VPS53: variants seen among roughly 807,000 people sequenced by gnomAD.
VPS53 encodes the protein vacuolar protein sorting-associated protein 53 homolog.
A neutral mutation model predicts 107.0 loss-of-function variants in VPS53; 70 were observed. The ratio of observed to expected loss-of-function variants is 0.65; its 90% CI spans 0.54 to 0.80. The LOEUF is 0.80. Among genes scored for constraint, VPS53 ranks in the 30% least tolerant of loss-of-function variants. VPS53 has a pLI of 0.00. For synonymous variants in VPS53, 409 were observed against 393.3 expected (o/e 1.04, Z -0.47); for missense variants, 917 against 1,049.4 (o/e 0.87, Z 1.74).
intron 6 of VPS53, 67 bp downstream of exon 6, chr17:655,771 G>A (rs1040411429): frequency 1.5e-5 from 22 of 1,424,252 alleles, no homozygotes; most frequent in Middle Eastern, 1.8e-4. Flanking sequence ...GTAAATAGGC[G>A]ACAACACCAT....
At chr17:542,975 C>CAAAA (rs57176595) in intron 17 of VPS53, among the ~76,000 whole-genome samples, 2 of 89,968 alleles carry the variant, frequency 2.2e-5, no homozygotes, top group Non-Finnish European at 5.5e-5. Context: ...GAGACTCTGT[C>CAAAA]AAAAAAAAAA....
At chr17:644,189 T>G (rs958333220) in intron 7 of VPS53, among the ~76,000 whole-genome samples, 1 of 152,234 alleles carries the variant, frequency 6.6e-6, no homozygotes, top group Non-Finnish European at 1.5e-5. Context: ...ATGGAAGCAT[T>G]TGCCAGAAGG....
intron 17 of VPS53, among the ~76,000 whole-genome samples, chr17:551,215 C>T (rs531780195): frequency 6.6e-6 from 1 of 152,092 alleles, no homozygotes; most frequent in South Asian, 2.1e-4. Context: ...GGCATAGGCA[C>T]ATAAAAGCCA....
At chr17:623,868 AT>A (rs1380582833) in intron 10 of VPS53, among the ~76,000 whole-genome samples, 194 bp from the exon 11 acceptor site, 1 of 152,166 alleles carries the variant, frequency 6.6e-6, no homozygotes, top group African/African-American at 2.4e-5. Context: ...TTAAGGTGAA[AT>A]TATCCACCAG....
intron 4 of VPS53, among the ~76,000 whole-genome samples, chr17:695,197 T>A (rs1297304656): frequency 6.6e-6 from 1 of 152,110 alleles, no homozygotes; most frequent in Non-Finnish European, 1.5e-5. Context: ...AGAAAGGACA[T>A]CGAGGGACAC....
chr17:573,743 G>C (rs542149515), intron 13 of VPS53, among the ~76,000 whole-genome samples: 1 of 152,168 alleles, frequency 6.6e-6, no homozygotes, highest in Non-Finnish European at 1.5e-5. Context: ...CCTAGCAAGC[G>C]CGAAGCCTCA....
intron 5 of VPS53, chr17:656,918 G>A: frequency 7.1e-7 from 1 of 1,401,352 alleles, no homozygotes; most frequent in Non-Finnish European, 1.0e-6. Context: ...GAAAATGTTG[G>A]AAACTTGAGT....
intron 19 of VPS53, among the ~76,000 whole-genome samples, chr17:530,764 A>T (rs1282352179): frequency 2.0e-5 from 3 of 152,196 alleles, no homozygotes; most frequent in Non-Finnish European, 4.4e-5. Flanking sequence ...AAGATCATAA[A>T]CTAGCAAGAA....
At chr17:678,346 C>T (rs539860716) in intron 4 of VPS53, among the ~76,000 whole-genome samples, 4 of 151,608 alleles carry the variant, frequency 2.6e-5, no homozygotes, top group South Asian at 4.2e-4. Flanking sequence ...CGCTTGAACC[C>T]GGGAGGTGGA....
intron 11 of VPS53, among the ~76,000 whole-genome samples, chr17:613,753 TATTCAAATAGTGA>T (rs1567676129): frequency 1.3e-5 from 2 of 152,192 alleles, no homozygotes; most frequent in African/African-American, 4.8e-5. Context: ...TTCATAGCAG[TATTCAAATAGTGA>T]ATTCACACAG....
intron 4 of VPS53, among the ~76,000 whole-genome samples, chr17:689,073 AT>A (rs964635239): frequency 6.6e-6 from 1 of 152,166 alleles, no homozygotes; most frequent in Non-Finnish European, 1.5e-5. Flanking sequence ...AGCAATTGCC[AT>A]TTTTTTCCAA....
chr17:611,759 C>T (rs1486947257), intron 11 of VPS53, among the ~76,000 whole-genome samples: 2 of 151,244 alleles, frequency 1.3e-5, no homozygotes, highest in African/African-American at 4.9e-5. Context: ...AAAACCTGTA[C>T]AAATATTCAC....
At chr17:699,569 CCT>C (rs995616621) in intron 2 of VPS53, among the ~76,000 whole-genome samples, 189 bp from the exon 3 acceptor site, 33 of 151,676 alleles carry the variant, frequency 2.2e-4, no homozygotes, top group East Asian at 5.8e-4. Flanking sequence ...TAGCCCAGCC[CCT>C]GTTTTTTGTA....
chr17:566,452 G>C (rs1248594554), intron 13 of VPS53, among the ~76,000 whole-genome samples: 1 of 152,158 alleles, frequency 6.6e-6, no homozygotes, highest in Non-Finnish European at 1.5e-5. Flanking sequence ...GTTTATGCTG[G>C]TTCTGCTGCC....
chr17:650,987 C>T (rs1970921608), intron 7 of VPS53, among the ~76,000 whole-genome samples: 1 of 152,034 alleles, frequency 6.6e-6, no homozygotes, highest in Admixed American at 6.6e-5. Context: ...TTAGTTAAAA[C>T]AAAACAAAGC....
intron 15 of VPS53, among the ~76,000 whole-genome samples, chr17:556,383 C>G (rs550158249): frequency 1.3e-5 from 2 of 152,286 alleles, no homozygotes; most frequent in East Asian, 3.9e-4. Flanking sequence ...TATTTCATAT[C>G]AATGTTAATA....
chr17:561,620 A>T (rs776074264), intron 14 of VPS53, among the ~76,000 whole-genome samples: 7 of 152,034 alleles, frequency 4.6e-5, no homozygotes, highest in South Asian at 2.1e-4. Context: ...GATTATACAT[A>T]ATTTATTTAT....
chr17:576,898 C>A (rs1257480584), intron 13 of VPS53, among the ~76,000 whole-genome samples: 2 of 151,364 alleles, frequency 1.3e-5, no homozygotes, highest in African/African-American at 4.9e-5. Flanking sequence ...CAGAGAACCT[C>A]CCTCAGAACC....
Position 675,894 on chromosome 17 carries a change from G to GT in VPS53, c.286-14000dup, listed in dbSNP as rs143589658. ...TTTTTGCCTAACATCCATATTCCAG[G>GT]TATCACATACAATACCTAGAAACGA... On this transcript the variant is annotated intron_variant, in intron 4 of 21. Coordinates refer to ENST00000437048, the MANE Select transcript of VPS53 (RefSeq NM_001128159.3). 5.6e-3 allele frequency among the ~76,000 whole-genome samples: 848 copies of GT among 151,922 alleles called. 2 individuals carry two copies. The highest frequency in any genetic ancestry group is 0.01 in the Non-Finnish European group (706 of 67,972).
Sources: allele counts gnomAD v4.1 joint callset (sites outside exome capture counted in the v4.1 genomes callset), GRCh38; gene constraint gnomAD v4.1.1; transcripts MANE v1.5; gene names NCBI Gene and HGNC (gene_info 2026-07-23, HGNC 2026-07-21).